DCC: variants seen among roughly 807,000 people sequenced by gnomAD.
DCC encodes DCC netrin 1 receptor.
A neutral mutation model predicts 172.5 loss-of-function variants in DCC; 58 were observed. That is an observed-to-expected ratio of 0.34 (90% CI 0.27 to 0.42). DCC has a LOEUF of 0.42. Ranked by LOEUF, DCC falls within the 10% of genes least tolerant of loss-of-function variation. DCC has a pLI of 1.00. For synonymous variants in DCC, 709 were observed against 644.5 expected (o/e 1.10, Z -1.52); for missense variants, 1,740 against 1,791.0 (o/e 0.97, Z 0.51).
At chr18:53,526,492 T>C in intron 27 of DCC, 125 bp from the exon 28 acceptor site, 2 of 1,026,964 alleles carry the variant, frequency 1.9e-6, no homozygotes, top group Non-Finnish European at 3.0e-6. Context: ...GAATTCATCT[T>C]TACACTACAG....
chr18:53,380,181 A>G (rs917785379), intron 15 of DCC, among the ~76,000 whole-genome samples: 2 of 151,898 alleles, frequency 1.3e-5, no homozygotes, highest in African/African-American at 2.4e-5. Context: ...AGAGGGAGCA[A>G]TTCTAGGCAA....
intron 1 of DCC, among the ~76,000 whole-genome samples, chr18:52,589,815 C>T (rs553188146): frequency 2.0e-5 from 3 of 152,210 alleles, no homozygotes; most frequent in East Asian, 1.9e-4. Flanking sequence ...CAAGTTGACT[C>T]GCACAATTAT....
At chr18:52,720,372 T>G (rs2036454547) in intron 1 of DCC, among the ~76,000 whole-genome samples, 1 of 152,242 alleles carries the variant, frequency 6.6e-6, no homozygotes, top group Non-Finnish European at 1.5e-5. Context: ...TTTTCTGGTT[T>G]GGAATGTAGA....
At chr18:52,359,745 T>A (rs1984536443) in intron 1 of DCC, among the ~76,000 whole-genome samples, 1 of 152,232 alleles carries the variant, frequency 6.6e-6, no homozygotes, top group Non-Finnish European at 1.5e-5. Context: ...AGTAAACCTC[T>A]GTTTGATTTT....
At chr18:53,214,604 A>ACT (rs1338840500) in intron 11 of DCC, among the ~76,000 whole-genome samples, 1 of 152,108 alleles carries the variant, frequency 6.6e-6, no homozygotes, top group African/African-American at 2.4e-5. Flanking sequence ...TTTCTATTAA[A>ACT]CTCATCTATT....
chr18:53,178,879 C>A, intron 8 of DCC, 83 bp from the exon 9 acceptor site: 1 of 1,480,040 alleles, frequency 6.8e-7, no homozygotes, highest in Non-Finnish European at 9.4e-7. Flanking sequence ...TGGTTCACCT[C>A]ACTACTCTTG....
At chr18:53,201,083 A>G (rs1205256304) in intron 9 of DCC, among the ~76,000 whole-genome samples, 1 of 152,046 alleles carries the variant, frequency 6.6e-6, no homozygotes, top group East Asian at 1.9e-4. Context: ...CTCTAGTGGG[A>G]GAGATGAGCA....
chr18:53,127,199 G>T (rs1415764282), intron 7 of DCC, among the ~76,000 whole-genome samples: 1 of 149,598 alleles, frequency 6.7e-6, no homozygotes, highest in Non-Finnish European at 1.5e-5. Flanking sequence ...AGGGATGGGG[G>T]TCTCGTTATG....
intron 1 of DCC, among the ~76,000 whole-genome samples, chr18:52,501,081 G>GA (rs2030998982): frequency 6.6e-6 from 1 of 152,164 alleles, no homozygotes; most frequent in East Asian, 1.9e-4. Context: ...TGAGAGGAAG[G>GA]AAAAAATCAT....
intron 7 of DCC, among the ~76,000 whole-genome samples, chr18:53,133,783 C>T (rs1214857607): frequency 6.6e-6 from 1 of 152,128 alleles, no homozygotes; most frequent in African/African-American, 2.4e-5. Flanking sequence ...AATAGGAAAC[C>T]ACTCAAGAGA....
intron 14 of DCC, among the ~76,000 whole-genome samples, chr18:53,333,366 G>T (rs534638049): frequency 6.6e-6 from 1 of 152,198 alleles, no homozygotes; most frequent in African/African-American, 2.4e-5. Flanking sequence ...TTGAGGACTA[G>T]AACAAAACTC....
intron 12 of DCC, among the ~76,000 whole-genome samples, chr18:53,242,494 A>C (rs953137408): frequency 1.3e-5 from 2 of 152,214 alleles, no homozygotes; most frequent in African/African-American, 4.8e-5. Flanking sequence ...TGACCTACTC[A>C]GTGACTATAT....
At chr18:52,989,421 A>G (rs1469786047) in intron 5 of DCC, among the ~76,000 whole-genome samples, 1 of 151,988 alleles carries the variant, frequency 6.6e-6, no homozygotes, top group Non-Finnish European at 1.5e-5. Flanking sequence ...TACTCAGGAG[A>G]TGGAGGCAGG....
intron 5 of DCC, among the ~76,000 whole-genome samples, chr18:52,962,445 T>G (rs926971996): frequency 3.3e-5 from 5 of 149,682 alleles, no homozygotes; most frequent in African/African-American, 1.2e-4. Context: ...CATTAAAAAG[T>G]CAGGAAACAA....
intron 1 of DCC, among the ~76,000 whole-genome samples, chr18:52,697,480 A>T (rs78834763): frequency 6.6e-6 from 1 of 152,182 alleles, no homozygotes; most frequent in Non-Finnish European, 1.5e-5. Flanking sequence ...GTTTTCTCCT[A>T]TGTGAGAACA....
At chr18:52,481,896 A>G (rs78358009) in intron 1 of DCC, among the ~76,000 whole-genome samples, 1,890 of 152,190 alleles carry the variant, frequency 0.012, 27 homozygotes, top group Non-Finnish European at 0.019. Context: ...TTAAAATTAT[A>G]TTTATTTCAT....
intron 5 of DCC, among the ~76,000 whole-genome samples, chr18:52,987,941 C>T (rs185587048): frequency 2.8e-4 from 43 of 152,232 alleles, no homozygotes; most frequent in African/African-American, 1.0e-3. Context: ...CAATATTGCC[C>T]AGCAAGAAAC....
intron 1 of DCC, among the ~76,000 whole-genome samples, chr18:52,540,624 T>TTTTTTTTTTTTG (rs2032413188): frequency 7.7e-6 from 1 of 129,566 alleles, no homozygotes; most frequent in African/African-American, 2.8e-5. Context: ...TTTTTTTTTT[T>TTTTTTTTTTTTG]GAGACTGAGT....
At chr18:53,385,608 G>C (rs185516244) in intron 15 of DCC, among the ~76,000 whole-genome samples, 18 of 152,318 alleles carry the variant, frequency 1.2e-4, no homozygotes, top group African/African-American at 4.1e-4. Context: ...TTCTGGAACT[G>C]ATCTGCTGTG....
Sources: gnomAD v4.1 joint callset for allele counts (sites outside exome capture counted in the v4.1 genomes callset) on GRCh38, gnomAD v4.1.1 for gene constraint, MANE v1.5 for transcripts, NCBI Gene and HGNC (gene_info 2026-07-23, HGNC 2026-07-21) for gene names.